The following STK3 variants were observed in gnomAD, a reference collection of about 807,000 sequenced individuals.
The protein encoded by STK3 is serine/threonine-protein kinase 3.
A neutral mutation model predicts 58.0 loss-of-function variants in STK3; 41 were observed. That is an observed-to-expected ratio of 0.71 (90% CI 0.55 to 0.92). The LOEUF is 0.92. Ranked by LOEUF, STK3 falls within the 40% of genes least tolerant of loss-of-function variation. The probability of loss-of-function intolerance (pLI) is 0.00; values close to 1 mark genes in which losing one functional copy is unlikely to be tolerated. For missense variants in STK3, 479 were observed against 602.7 expected, an observed-to-expected ratio of 0.79 and a Z score of 2.15; for synonymous variants, 170 against 191.0, an observed-to-expected ratio of 0.89 and a Z score of 0.91.
chr8:98,642,883 C>G (rs1217010532), intron 6 of STK3, among the ~76,000 whole-genome samples: 1 of 152,152 alleles, frequency 6.6e-6, no homozygotes, highest in Non-Finnish European at 1.5e-5. Flanking sequence ...GCACAGTGTT[C>G]TTATAAATCT....
At chr8:98,388,809 T>C (rs951972544), upstream of STK3, among the ~76,000 whole-genome samples, 1 of 152,232 alleles carries the variant, frequency 6.6e-6, no homozygotes, top group African/African-American at 2.4e-5. Flanking sequence ...AAGAAATTGT[T>C]GTCAAATATT....
At chr8:98,665,482 A>G (rs571225542) in intron 6 of STK3, among the ~76,000 whole-genome samples, 1 of 151,642 alleles carries the variant, frequency 6.6e-6, no homozygotes, top group African/African-American at 2.4e-5. Context: ...CTGTAGCCTC[A>G]GTCTTCCCAG....
chr8:98,760,128 G>GT (rs2131404582), intron 3 of STK3, among the ~76,000 whole-genome samples: 1 of 151,862 alleles, frequency 6.6e-6, no homozygotes, highest in African/African-American at 2.4e-5. Context: ...GCTAACTGTA[G>GT]TTTTGTTACA....
intron 1 of STK3, among the ~76,000 whole-genome samples, chr8:98,793,445 G>A (rs1318895564): frequency 6.6e-6 from 1 of 152,164 alleles, no homozygotes; most frequent in Non-Finnish European, 1.5e-5. Context: ...AGCTGAGATG[G>A]GAGAATCACC....
At chr8:98,890,934 C>T (rs1336119677) in intron 1 of STK3, among the ~76,000 whole-genome samples, 1 of 152,174 alleles carries the variant, frequency 6.6e-6, no homozygotes, top group African/African-American at 2.4e-5. Context: ...ATCGTCCTAG[C>T]CTTGAGCATG....
In STK3 at chr8:98,892,508, C is replaced by A. The variant is rs144375651; in HGVS notation, c.-78-8674G>T. 2.7e-3 allele frequency among the ~76,000 whole-genome samples: 410 copies of A among 152,282 alleles called. 3 individuals are homozygous for A. Among genetic ancestry groups the A allele is most frequent in the African/African-American group, 9.6e-3 (398 of 41,570 alleles). On this transcript the variant is annotated intron_variant, in intron 1 of 1. Transcript: ENST00000519420. The stretch of plus-strand genomic sequence containing the variant: ...CCCTTATGCTCTGGCCATGGCTGAC[C>A]ACTGTGGGCTCTCCTATGCCACTGC...
At chr8:98,597,626 A>G (rs1295884376) in intron 6 of STK3, 3 of 985,314 alleles carry the variant, frequency 3.0e-6, no homozygotes, top group Non-Finnish European at 3.6e-6. Flanking sequence ...CATTGCCACA[A>G]GATGAATCTG....
intron 3 of STK3, chr8:98,413,772 C>A: frequency 1.5e-6 from 1 of 662,994 alleles, no homozygotes; most frequent in Non-Finnish European, 2.9e-6. Context: ...AGAGGAAGCC[C>A]ATCGTCATCC....
At position 98,603,960 on chromosome 8, in the gene STK3, TTATCC is replaced by T. The variant is rs1480012161; in HGVS notation, c.685-7796_685-7792del. Among the ~76,000 whole-genome samples, 12 of 152,278 alleles carry T rather than the reference TTATCC, an allele frequency of 7.9e-5. 1 individual carries two copies. The highest frequency in any genetic ancestry group is 2.6e-4 in the African/African-American group (11 of 41,580). On this transcript the variant is annotated intron_variant, in intron 6 of 10. Transcript: ENST00000419617. ...AGTTAAAAGTCTTGAGGTGGACAGA[TTATCC>T]TAAATTATCTAGGCAGGCCAAATGT...
Position 98,735,526 on chromosome 8 carries a change from T to C in STK3, c.351+13750A>G, listed in dbSNP as rs1828512546. On this transcript the variant is annotated intron_variant, in intron 4 of 10. Transcript: ENST00000419617. ...AATTTAAGTCACATATACTATTTTA[T>C]AGAGCCCCAAATACTTAAAAACCAA... Among the ~76,000 whole-genome samples the C allele has an allele frequency of 2.6e-5, 4 of 152,176 alleles. No homozygotes were observed. The South Asian group carries it at 6.2e-4, about 24-fold the overall frequency.
chr8:98,597,053 G>T (rs1351693601), intron 6 of STK3, among the ~76,000 whole-genome samples: 1 of 152,116 alleles, frequency 6.6e-6, no homozygotes, highest in African/African-American at 2.4e-5. Context: ...GAGGAACCAA[G>T]AGTACATGCT....
chr8:98,480,375 T>C (rs1236019291), intron 10 of STK3, among the ~76,000 whole-genome samples: 1 of 152,140 alleles, frequency 6.6e-6, no homozygotes, highest in African/African-American at 2.4e-5. Flanking sequence ...AGAAGACACC[T>C]GGAACAATAT....
chr8:98,824,235 C>T (rs1835100748), intron 1 of STK3, among the ~76,000 whole-genome samples: 1 of 152,252 alleles, frequency 6.6e-6, no homozygotes, highest in South Asian at 2.1e-4. Context: ...GCAACCACCA[C>T]TTTGAAAAGT....
At chr8:98,660,633 C>T (rs1821896846) in intron 6 of STK3, among the ~76,000 whole-genome samples, 1 of 152,006 alleles carries the variant, frequency 6.6e-6, no homozygotes, top group Admixed American at 6.6e-5. Context: ...ACACTATCAA[C>T]TTTATTTCTT....
intron 1 of STK3, among the ~76,000 whole-genome samples, chr8:98,796,313 T>A (rs1006695595): frequency 7.3e-4 from 111 of 152,214 alleles, no homozygotes; most frequent in African/African-American, 2.6e-3. Context: ...CCAATGGAAC[T>A]GAAAAGAGAA....
intron 1 of STK3, among the ~76,000 whole-genome samples, chr8:98,811,968 C>G (rs1241509659): frequency 1.3e-5 from 2 of 152,134 alleles, no homozygotes; most frequent in Non-Finnish European, 2.9e-5. Context: ...GGACACCATA[C>G]CCAGCTAATT....
At chr8:98,485,834 C>CA (rs1237593700) in intron 10 of STK3, among the ~76,000 whole-genome samples, 3 of 152,002 alleles carry the variant, frequency 2.0e-5, no homozygotes, top group African/African-American at 7.3e-5. Context: ...AGCTATAAAC[C>CA]AAAAAATTTA....
At chr8:98,840,578 A>G (rs965396246) in intron 3 of STK3, among the ~76,000 whole-genome samples, 3 of 102,084 alleles carry the variant, frequency 2.9e-5, no homozygotes, top group Non-Finnish European at 5.9e-5. Flanking sequence ...TCTCAAGAAA[A>G]AAATGTATAT....
chr8:98,840,609 A>G (rs1264507378), intron 3 of STK3, among the ~76,000 whole-genome samples: 1 of 133,854 alleles, frequency 7.5e-6, no homozygotes, highest in Non-Finnish European at 1.6e-5. Context: ...ATATATATAT[A>G]TATATATATA....
Sources: gnomAD v4.1 joint callset for allele counts (sites outside exome capture counted in the v4.1 genomes callset) on GRCh38, gnomAD v4.1.1 for gene constraint, MANE v1.5 for transcripts, NCBI Gene and HGNC (gene_info 2026-07-23, HGNC 2026-07-21) for gene names.